Variants in ADAMTS17 observed in about 807,000 individuals in gnomAD.
ADAMTS17 encodes the protein ADAM metallopeptidase with thrombospondin type 1 motif 17.
Under a neutral mutation model 141.5 loss-of-function variants are expected in ADAMTS17, and 113 were observed. That is an observed-to-expected ratio of 0.80 (90% CI 0.69 to 0.93). The LOEUF is 0.93. ADAMTS17 is among the 40% of genes least tolerant of loss of function. The pLI, the probability that ADAMTS17 is intolerant of heterozygous loss-of-function variation, is 0.00. For missense variants in ADAMTS17, 1,659 were observed against 1,517.9 expected (o/e 1.09, Z -1.54); for synonymous variants, 768 against 630.6 (o/e 1.22, Z -3.27).
rs141101591 is a variant in ADAMTS17, at chr15:100,018,680, C to A, written c.2592-21091G>T. Among the ~76,000 whole-genome samples the A allele has an allele frequency of 1.9e-3, 288 of 152,340 alleles. 1 individual carries two copies. The highest frequency in any genetic ancestry group is 6.6e-3 in the African/African-American group (276 of 41,580). On this transcript the variant is annotated intron_variant, in intron 18 of 21. Transcript: ENST00000268070. Reference sequence around the variant, plus strand: ...GAATTGTGTGCCAATGAAGCCTCTTCTCTTTTACATTATCCAGTCTCAGGT... The same window carrying A: ...GAATTGTGTGCCAATGAAGCCTCTTATCTTTTACATTATCCAGTCTCAGGT...
intron 6 of ADAMTS17, among the ~76,000 whole-genome samples, chr15:100,260,737 TCA>T (rs750747475): frequency 2.0e-5 from 3 of 152,142 alleles, no homozygotes; most frequent in East Asian, 3.8e-4. Flanking sequence ...ACTTCCAAAT[TCA>T]CAGAGTTGGA....
chr15:100,111,414 G>A (rs1490338520), intron 13 of ADAMTS17, among the ~76,000 whole-genome samples: 2 of 152,236 alleles, frequency 1.3e-5, no homozygotes, highest in Non-Finnish European at 2.9e-5. Flanking sequence ...GCTGGTGGAA[G>A]GAGAACTCTG....
intron 14 of ADAMTS17, among the ~76,000 whole-genome samples, chr15:100,107,199 T>C (rs956940991): frequency 2.6e-5 from 4 of 152,196 alleles, no homozygotes; most frequent in African/African-American, 9.6e-5. Context: ...TTGCCTCCTC[T>C]TGTTCTGTTT....
At chr15:100,140,036 C>A (rs959834893) in intron 10 of ADAMTS17, among the ~76,000 whole-genome samples, 6 of 152,166 alleles carry the variant, frequency 3.9e-5, no homozygotes, top group African/African-American at 1.4e-4. Context: ...CACTCTGTCA[C>A]CCAGGCTGGA....
At chr15:100,162,051 C>T (rs113293092) in intron 8 of ADAMTS17, among the ~76,000 whole-genome samples, 9 of 152,090 alleles carry the variant, frequency 5.9e-5, no homozygotes, top group African/African-American at 1.5e-4. Context: ...GTACAAACTT[C>T]GGAATCACCA....
chr15:100,248,557 C>G (rs2043056710), intron 7 of ADAMTS17, among the ~76,000 whole-genome samples: 2 of 152,162 alleles, frequency 1.3e-5, no homozygotes, highest in African/African-American at 4.8e-5. Context: ...GCAGACAGCT[C>G]TGGATGAAGA....
chr15:100,324,756 TCTC>T (rs955668606), intron 3 of ADAMTS17, among the ~76,000 whole-genome samples: 6 of 152,292 alleles, frequency 3.9e-5, no homozygotes, highest in Admixed American at 1.3e-4. Context: ...ATTGAAGTGG[TCTC>T]CTCAATAGTC....
At chr15:100,220,633 C>T (rs185761699) in intron 7 of ADAMTS17, among the ~76,000 whole-genome samples, 24 of 152,276 alleles carry the variant, frequency 1.6e-4, no homozygotes, top group Admixed American at 7.2e-4. Context: ...ATTTTCATCA[C>T]TCTTATAGCT....
intron 4 of ADAMTS17, among the ~76,000 whole-genome samples, chr15:100,269,325 T>G (rs1022568547): frequency 1.3e-5 from 2 of 152,206 alleles, no homozygotes; most frequent in Admixed American, 1.3e-4. Flanking sequence ...AAACTATCAG[T>G]TCATTTCTTT....
intron 8 of ADAMTS17, chr15:100,168,718 G>A (rs1048289735): frequency 6.6e-6 from 1 of 152,286 alleles, no homozygotes; most frequent in Non-Finnish European, 1.5e-5. Flanking sequence ...TACAAGGCAA[G>A]CACATCAGAA....
At chr15:100,012,952 T>A (rs530088365) in intron 18 of ADAMTS17, among the ~76,000 whole-genome samples, 1 of 152,338 alleles carries the variant, frequency 6.6e-6, no homozygotes, top group Non-Finnish European at 1.5e-5. Flanking sequence ...GGGAATTGCA[T>A]TGAATTTGTA....
chr15:100,294,161 T>G (rs1411144366), intron 3 of ADAMTS17, among the ~76,000 whole-genome samples: 1 of 152,210 alleles, frequency 6.6e-6, no homozygotes, highest in Non-Finnish European at 1.5e-5. Context: ...TCGTCTTATT[T>G]CTATCATCTG....
intron 18 of ADAMTS17, among the ~76,000 whole-genome samples, chr15:100,027,599 A>G (rs915018536): frequency 6.6e-6 from 1 of 152,258 alleles, no homozygotes; most frequent in Non-Finnish European, 1.5e-5. Flanking sequence ...CTTTTGTGCT[A>G]CAATAGAATT....
chr15:100,214,430 G>C (rs1353631831), intron 7 of ADAMTS17, among the ~76,000 whole-genome samples: 2 of 152,090 alleles, frequency 1.3e-5, no homozygotes, highest in African/African-American at 4.8e-5. Flanking sequence ...AGGCTGAAGT[G>C]ATTCATTCAT....
intron 12 of ADAMTS17, among the ~76,000 whole-genome samples, chr15:100,119,043 T>TACACACACACACACACAC (rs60655404): frequency 3.4e-5 from 5 of 148,596 alleles, no homozygotes; most frequent in South Asian, 2.2e-4. Context: ...CATCTGGAGA[T>TACACACACACACACACAC]ACACACACAC....
intron 7 of ADAMTS17, among the ~76,000 whole-genome samples, chr15:100,212,277 A>G (rs2141723712): frequency 6.6e-6 from 1 of 152,274 alleles, no homozygotes. Flanking sequence ...AAAGGTAGAG[A>G]GGACTCTGCC....
intron 12 of ADAMTS17, among the ~76,000 whole-genome samples, chr15:100,130,748 A>C (rs1040750441): frequency 3.3e-5 from 5 of 152,224 alleles, no homozygotes; most frequent in Non-Finnish European, 5.9e-5. Context: ...ACTATTTAGA[A>C]CTTGCTCGTT....
rs77679084 is a variant in ADAMTS17 at position 100,244,716 on chromosome 15, G to A, written c.1075+9420C>T. Reference sequence around the variant, plus strand: ...GGAGCCCTTCCCTGGCTCTCAGCCTGCGATTTCCTCGGCTTGTTCCAACCG... The same window carrying A: ...GGAGCCCTTCCCTGGCTCTCAGCCTACGATTTCCTCGGCTTGTTCCAACCG... On this transcript the variant is annotated intron_variant, in intron 7 of 21. Transcript: ENST00000268070. Among the ~76,000 whole-genome samples the A allele has an allele frequency of 9.7e-3, 1,474 of 152,188 alleles. 23 individuals are homozygous for A. The highest frequency in any genetic ancestry group is 0.03 in the African/African-American group (1,234 of 41,546).
chr15:100,253,585 GAAGGA>G (rs869095359), intron 7 of ADAMTS17, among the ~76,000 whole-genome samples: 29 of 151,112 alleles, frequency 1.9e-4, no homozygotes, highest in African/African-American at 6.8e-4. Flanking sequence ...GGACGGTGAA[GAAGGA>G]AAGGGTGTTT....
Sources: allele counts gnomAD v4.1 joint callset (sites outside exome capture counted in the v4.1 genomes callset), GRCh38; gene constraint gnomAD v4.1.1; transcripts MANE v1.5; gene names NCBI Gene and HGNC (gene_info 2026-07-23, HGNC 2026-07-21).